GALNT13: variants seen among roughly 807,000 people sequenced by gnomAD.
The protein encoded by GALNT13 is polypeptide N-acetylgalactosaminyltransferase 13.
A neutral mutation model predicts 64.2 loss-of-function variants in GALNT13; 28 were observed. That is an observed-to-expected ratio of 0.44 (90% CI 0.32 to 0.60). The LOEUF is 0.60. Ranked by LOEUF, GALNT13 falls within the 20% of genes least tolerant of loss-of-function variation. GALNT13 has a pLI of 0.05. For synonymous variants in GALNT13, 214 were observed against 224.6 expected (o/e 0.95, Z 0.42); for missense variants, 577 against 669.8 (o/e 0.86, Z 1.53).
chr2:154,020,189 A>T (rs1006417795), intron 3 of GALNT13, among the ~76,000 whole-genome samples: 1 of 152,136 alleles, frequency 6.6e-6, no homozygotes, highest in African/African-American at 2.4e-5. Context: ...TAGCAGCATG[A>T]TTTATAATCC....
the GALNT13 span, among the ~76,000 whole-genome samples, chr2:153,483,238 C>T: frequency 1.1e-4 from 16 of 152,022 alleles, no homozygotes; most frequent in African/African-American, 3.6e-4. Context: ...TACCCCTCAA[C>T]ATTGAAATCA....
the GALNT13 span, among the ~76,000 whole-genome samples, chr2:153,731,862 T>A: frequency 7.9e-5 from 12 of 151,912 alleles, no homozygotes; most frequent in Non-Finnish European, 1.3e-4. Context: ...TAAGACTAAA[T>A]GCAGACAAGT....
chr2:154,433,796 T>A (rs1428730191), intron 11 of GALNT13, among the ~76,000 whole-genome samples: 2 of 151,216 alleles, frequency 1.3e-5, no homozygotes, highest in Admixed American at 1.3e-4. Flanking sequence ...CATTTAGGAA[T>A]AAGGAAAGAT....
chr2:153,230,506 C>G, the GALNT13 span, among the ~76,000 whole-genome samples: 1 of 152,112 alleles, frequency 6.6e-6, no homozygotes, highest in African/African-American at 2.4e-5. Context: ...ATTTTATTAG[C>G]TTTGAAATGG....
the GALNT13 span, among the ~76,000 whole-genome samples, chr2:153,681,902 T>A: frequency 1.3e-5 from 2 of 151,728 alleles, no homozygotes; most frequent in Admixed American, 1.3e-4. Flanking sequence ...CACAAGAAAT[T>A]TACTATCACT....
chr2:153,711,071 C>T, the GALNT13 span, among the ~76,000 whole-genome samples: 1 of 152,018 alleles, frequency 6.6e-6, no homozygotes. Context: ...TTCTCTGAGC[C>T]TTGCCACAGG....
the GALNT13 span, among the ~76,000 whole-genome samples, chr2:153,472,630 A>G: frequency 1.7e-4 from 26 of 152,188 alleles, no homozygotes; most frequent in Admixed American, 1.6e-3. Flanking sequence ...TTCTTCCAGC[A>G]TTATTGCAGA....
rs566895803 is a variant in GALNT13 at position 154,044,059 on chromosome 2, TAG to T, written c.143-96276_143-96275del. Among the ~76,000 whole-genome samples the T allele has an allele frequency of 5.1e-4, 77 of 151,516 alleles. 1 individual carries two copies. In the South Asian group the frequency reaches 9.5e-3, roughly 19 times the overall value. Reference sequence around the variant, plus strand: ...TGCACTCCAGCCTGGGTGACAGAGTTAGACTCTGTCTCAAAAAAATAAAAAAT... The same window carrying T: ...TGCACTCCAGCCTGGGTGACAGAGTTACTCTGTCTCAAAAAAATAAAAAAT... On this transcript the variant is annotated intron_variant, in intron 3 of 12. Transcript: ENST00000392825.
At chr2:154,332,123 C>T (rs907864921) in intron 9 of GALNT13, among the ~76,000 whole-genome samples, 4 of 152,080 alleles carry the variant, frequency 2.6e-5, no homozygotes, top group Non-Finnish European at 5.9e-5. Flanking sequence ...CACACTTAGC[C>T]TCTGTATCTT....
At chr2:153,262,050 A>G in the GALNT13 span, among the ~76,000 whole-genome samples, 2 of 151,858 alleles carry the variant, frequency 1.3e-5, no homozygotes, top group Admixed American at 6.6e-5. Flanking sequence ...TTGGTCCTCT[A>G]CTCTACTATG....
the GALNT13 span, among the ~76,000 whole-genome samples, chr2:153,194,739 C>CT: frequency 6.6e-6 from 1 of 152,136 alleles, no homozygotes; most frequent in Non-Finnish European, 1.5e-5. Context: ...TAGAGAAAGA[C>CT]TTTTTTCCTG....
chr2:154,206,292 A>T, intron 4 of GALNT13, among the ~76,000 whole-genome samples: 1 of 151,834 alleles, frequency 6.6e-6, no homozygotes, highest in East Asian at 1.9e-4. Flanking sequence ...TGAGCAACTG[A>T]GCCCGGCCCT....
chr2:153,830,452 T>C, the GALNT13 span, among the ~76,000 whole-genome samples: 1 of 152,170 alleles, frequency 6.6e-6, no homozygotes, highest in Non-Finnish European at 1.5e-5. Flanking sequence ...GAACAAGCTG[T>C]GCACATTTAC....
intron 11 of GALNT13, among the ~76,000 whole-genome samples, chr2:154,431,871 G>T (rs1700726481): frequency 6.6e-6 from 1 of 152,194 alleles, no homozygotes; most frequent in African/African-American, 2.4e-5. Context: ...ATGTGCCTTT[G>T]CTCCTCCTTC....
intron 4 of GALNT13, among the ~76,000 whole-genome samples, chr2:154,174,047 C>A (rs1027083662): frequency 6.6e-6 from 1 of 151,934 alleles, no homozygotes; most frequent in African/African-American, 2.4e-5. Context: ...GGGTATATAT[C>A]CAAAAGAAAG....
chr2:154,313,261 C>T (rs897201054), intron 9 of GALNT13, among the ~76,000 whole-genome samples: 1 of 145,960 alleles, frequency 6.9e-6, no homozygotes, highest in East Asian at 2.0e-4. Flanking sequence ...TATATATATA[C>T]ACACACACTA....
At chr2:153,108,371 G>A in the GALNT13 span, among the ~76,000 whole-genome samples, 1 of 152,054 alleles carries the variant, frequency 6.6e-6, no homozygotes, top group South Asian at 2.1e-4. Context: ...AATATGATGG[G>A]CAATCTGAAT....
At chr2:154,397,654 A>T (rs1277836851) in intron 10 of GALNT13, among the ~76,000 whole-genome samples, 6 of 152,192 alleles carry the variant, frequency 3.9e-5, no homozygotes, top group Non-Finnish European at 7.3e-5. Context: ...AAAGAAAAAA[A>T]TACTTGAGGT....
At chr2:153,474,268 C>T in the GALNT13 span, among the ~76,000 whole-genome samples, 1 of 152,204 alleles carries the variant, frequency 6.6e-6, no homozygotes, top group Non-Finnish European at 1.5e-5. Flanking sequence ...TTCTTTAGAA[C>T]CCCTCTTCCT....
Sources: allele counts gnomAD v4.1 joint callset (sites outside exome capture counted in the v4.1 genomes callset), GRCh38; gene constraint gnomAD v4.1.1; transcripts MANE v1.5; gene names NCBI Gene and HGNC (gene_info 2026-07-23, HGNC 2026-07-21).